GPAT3: variants seen among roughly 807,000 people sequenced by gnomAD.
GPAT3 encodes glycerol-3-phosphate acyltransferase 3.
In GPAT3, 53 loss-of-function variants were observed where a neutral mutation model predicts 58.8. The observed-to-expected ratio is 0.90, with a 90% CI of 0.72 to 1.13. The LOEUF (loss-of-function observed/expected upper bound fraction) is 1.13. GPAT3 is among the 50% of genes most tolerant of loss of function. The pLI, the probability that GPAT3 is intolerant of heterozygous loss-of-function variation, is 0.00. For synonymous variants in GPAT3, 197 were observed against 187.4 expected (o/e 1.05, Z -0.42); for missense variants, 511 against 527.6 (o/e 0.97, Z 0.31).
In GPAT3 at chr4:83,586,977, A is replaced by G. The variant is rs573683241; in HGVS notation, c.480-278A>G. On this transcript the variant is annotated intron_variant, in intron 3 of 11. Transcript: ENST00000264409. ...ATTTCCAGGCCTTCTCTATGCATAT[A>G]CAGACTTGTTACACATGTGTTTGTT... Among the ~76,000 whole-genome samples the G allele has an allele frequency of 3.3e-5, 5 of 152,338 alleles. No homozygotes were observed. The East Asian group carries it at 7.7e-4, about 23-fold the overall frequency.
At position 83,598,711 on chromosome 4, in the gene GPAT3, C is replaced by G; in HGVS notation, c.1193C>G (p.Thr398Ser). 3.4e-6 allele frequency: 5 copies of G among 1,475,050 alleles called. No homozygotes were observed. Among genetic ancestry groups the G allele is most frequent in the Non-Finnish European group, 4.5e-6 (5 of 1,100,682 alleles). 91.4% of individuals were successfully genotyped at this position (1,475,050 alleles called of 1,614,324 possible). A position where few individuals can be genotyped will look rare whatever the true frequency, so the allele number is the denominator to read the frequency against. The change falls in exon 11 of 12, where the codon ACT becomes AGT. Residue 398 changes from threonine (T) to serine (S), a missense_variant. Coordinates refer to ENST00000264409, the MANE Select transcript of GPAT3 (RefSeq NM_032717.5). ...KSAIAIQGGL[T>S]ELPWDGGLKR... ...GCTATTGCTATACAAGGAGGCCTGA[C>G]TGAACTTCCCTGGTAAGAGAACTTT...
At chr4:83,575,431 G>A (rs1725774530) in intron 2 of GPAT3, among the ~76,000 whole-genome samples, 2 of 151,114 alleles carry the variant, frequency 1.3e-5, no homozygotes, top group African/African-American at 4.9e-5. Context: ...TATTTTTTTT[G>A]AGAGGGAGGC....
chr4:83,559,810 G>A (rs1276548677), intron 2 of GPAT3, among the ~76,000 whole-genome samples: 1 of 152,188 alleles, frequency 6.6e-6, no homozygotes, highest in African/African-American at 2.4e-5. Flanking sequence ...GAGGGGGGCA[G>A]GTGGCAAGGC....
At chr4:83,575,459 C>G (rs1201485960) in intron 2 of GPAT3, among the ~76,000 whole-genome samples, 2 of 152,106 alleles carry the variant, frequency 1.3e-5, no homozygotes, top group Non-Finnish European at 2.9e-5. Flanking sequence ...GTCGCCCAGG[C>G]TGGAGTGCAG....
At chr4:83,560,273 G>A (rs1375389557) in intron 2 of GPAT3, among the ~76,000 whole-genome samples, 2 of 152,210 alleles carry the variant, frequency 1.3e-5, no homozygotes, top group African/African-American at 2.4e-5. Flanking sequence ...GTGAACAAGA[G>A]CAAGAGGAAA....
chr4:83,605,523 C>T lies in GPAT3; in HGVS notation c.*756C>T, dbSNP rs894694126. 2 of 148,008 alleles carry T rather than the reference C, an allele frequency of 1.4e-5. No individual in the cohort carries two copies. The highest frequency in any genetic ancestry group is 5.0e-5 in the African/African-American group (2 of 40,128). The allele number at this position is 148,008 out of a possible 1,614,324, so 9.2% of individuals were successfully genotyped here. On this transcript the variant is annotated 3_prime_UTR_variant, in exon 12 of 12. Coordinates refer to ENST00000264409, the MANE Select transcript of GPAT3 (RefSeq NM_032717.5). Reference sequence around the variant, plus strand: ...TGATTTGTTTGTTTTTGTAACCAAACACATTTTCAGATAGAAGGAGCCTTA... The same window carrying T: ...TGATTTGTTTGTTTTTGTAACCAAATACATTTTCAGATAGAAGGAGCCTTA...
At chr4:83,577,264 A>G (rs1413312869) in intron 2 of GPAT3, among the ~76,000 whole-genome samples, 1 of 151,850 alleles carries the variant, frequency 6.6e-6, no homozygotes, top group African/African-American at 2.4e-5. Flanking sequence ...ATGACTTGAC[A>G]TGTAAATGTA....
intron 2 of GPAT3, among the ~76,000 whole-genome samples, chr4:83,572,883 T>C (rs1433000591): frequency 6.6e-6 from 1 of 152,188 alleles, no homozygotes; most frequent in Non-Finnish European, 1.5e-5. Context: ...GCTTAGGGAA[T>C]GGTTTGGATT....
rs764373736 is a variant in GPAT3, at chr4:83,598,695, A to G, written c.1177A>G (p.Ile393Val). ...TAACAGGGTTAAGTCTGCTATTGCT[A>G]TACAAGGAGGCCTGACTGAACTTCC... ...FANRVKSAIA[I>V]QGGLTELPWD... The change falls in exon 11 of 12, where the codon ATA (isoleucine) becomes GTA (valine). Residue 393 changes from isoleucine to valine, a missense_variant. By Grantham distance (29) the Ile-to-Val change is conservative. Transcript: ENST00000264409. 4 of 1,554,398 alleles carry G rather than the reference A, an allele frequency of 2.6e-6. No homozygotes were observed. The highest frequency in any genetic ancestry group is 2.6e-6 in the Non-Finnish European group (3 of 1,145,052).
intron 2 of GPAT3, among the ~76,000 whole-genome samples, chr4:83,568,828 A>G (rs1260091561): frequency 6.6e-6 from 1 of 152,100 alleles, no homozygotes; most frequent in Non-Finnish European, 1.5e-5. Flanking sequence ...TTCATTTGTC[A>G]TCCTCTTCAA....
chr4:83,535,952 G>A, upstream of GPAT3: 3 of 985,618 alleles, frequency 3.0e-6, no homozygotes, highest in Non-Finnish European at 3.6e-6. Flanking sequence ...TTTGCTGAGT[G>A]CTGGGGGAGG....
At position 83,562,228 on chromosome 4, in the gene GPAT3, ATATATATAAT is replaced by A. The variant is rs1560611223; in HGVS notation, c.208+17627_208+17636del. ...TATATATATTATATATATATATAAT[ATATATATAAT>A]ATATATATATAAAATATAGTTTGGC... On this transcript the variant is annotated intron_variant, in intron 2 of 11. Transcript: ENST00000264409. 1.4e-3 allele frequency among the ~76,000 whole-genome samples: 104 copies of A among 75,292 alleles called. 3 individuals carry two copies. The highest frequency in any genetic ancestry group is 5.1e-3 in the African/African-American group (101 of 19,614). The allele number at this position is 75,292 out of a possible 152,430, so 49.4% of individuals were successfully genotyped here. A position where few individuals can be genotyped will look rare whatever the true frequency, so the allele number is the denominator to read the frequency against.
intron 7 of GPAT3, among the ~76,000 whole-genome samples, chr4:83,596,321 T>C (rs931593173): frequency 2.6e-4 from 40 of 152,222 alleles, no homozygotes; most frequent in African/African-American, 9.4e-4. Context: ...GCGAAGACAC[T>C]GAAAATCACT....
chr4:83,551,813 A>AAATCTATCTATCT lies in GPAT3; in HGVS notation c.208+7212_208+7213insATCTATCTATCTA, dbSNP rs768726930. 3.9e-3 allele frequency among the ~76,000 whole-genome samples: 404 copies of AAATCTATCTATCT among 102,386 alleles called. 6 individuals are homozygous for AAATCTATCTATCT. The highest frequency in any genetic ancestry group is 0.018 in the East Asian group (76 of 4,150). 67.2% of individuals were successfully genotyped at this position (102,386 alleles called of 152,430 possible). ...TCTCGGAAAAAAAAAAAAAAAAAAA[A>AAATCTATCTATCT]ATCTATCTATCTATCTATCTATCTA... On this transcript the variant is annotated intron_variant, in intron 2 of 11. Transcript: ENST00000264409.
intron 2 of GPAT3, among the ~76,000 whole-genome samples, chr4:83,552,911 T>C (rs1455188331): frequency 1.3e-5 from 2 of 152,158 alleles, no homozygotes; most frequent in Non-Finnish European, 2.9e-5. Flanking sequence ...GGGAGTTGTC[T>C]AGCCCCTTCC....
At chr4:83,593,289 C>T (rs13143532) in intron 6 of GPAT3, among the ~76,000 whole-genome samples, 91 of 151,460 alleles carry the variant, frequency 6.0e-4, no homozygotes, top group Non-Finnish European at 1.2e-3. Context: ...CTCAGCCTCC[C>T]AAGTAGCTGG....
At chr4:83,578,611 G>A (rs1725903914) in intron 2 of GPAT3, among the ~76,000 whole-genome samples, 1 of 152,172 alleles carries the variant, frequency 6.6e-6, no homozygotes, top group Admixed American at 6.5e-5. Flanking sequence ...GCTGAAGAAG[G>A]TATTCTTCCC....
At chr4:83,602,931 GA>G (rs896461880) in intron 11 of GPAT3, among the ~76,000 whole-genome samples, 10 of 152,200 alleles carry the variant, frequency 6.6e-5, no homozygotes, top group African/African-American at 2.4e-4. Flanking sequence ...CCCACTGGAT[GA>G]TTTGTGGATC....
chr4:83,580,206 A>G (rs1170521492), intron 2 of GPAT3, among the ~76,000 whole-genome samples: 1 of 152,226 alleles, frequency 6.6e-6, no homozygotes, highest in Admixed American at 6.5e-5. Flanking sequence ...TTAAAAAATC[A>G]TTTAATTATT....
Sources: allele counts gnomAD v4.1 joint callset (sites outside exome capture counted in the v4.1 genomes callset), GRCh38; gene constraint gnomAD v4.1.1; transcripts MANE v1.5; gene names NCBI Gene and HGNC (gene_info 2026-07-23, HGNC 2026-07-21).